Variants in DOCK3 observed in about 807,000 individuals in gnomAD.
DOCK3 encodes the protein dedicator of cytokinesis protein 3.
Under a neutral mutation model 265.6 loss-of-function variants are expected in DOCK3, and 60 were observed. The observed-to-expected ratio is 0.23, with a 90% CI of 0.18 to 0.28. The LOEUF (loss-of-function observed/expected upper bound fraction) is 0.28, where lower values mean the gene tolerates loss of function less well. Ranked by LOEUF, DOCK3 falls within the 10% of genes least tolerant of loss-of-function variation. The probability of loss-of-function intolerance (pLI) is 1.00; values close to 1 mark genes in which losing one functional copy is unlikely to be tolerated. For missense variants in DOCK3, 1,981 were observed against 2,594.3 expected (o/e 0.76, Z 5.14); for synonymous variants, 881 against 938.0 (o/e 0.94, Z 1.11).
chr3:50,799,298 T>C (rs1251514445), intron 2 of DOCK3, among the ~76,000 whole-genome samples: 1 of 152,236 alleles, frequency 6.6e-6, no homozygotes, highest in East Asian at 1.9e-4. Flanking sequence ...TGTAGATTGC[T>C]TAGGGTAGTA....
chr3:51,336,651 A>G (rs1305933895), intron 35 of DOCK3, among the ~76,000 whole-genome samples: 1 of 152,192 alleles, frequency 6.6e-6, no homozygotes, highest in African/African-American at 2.4e-5. Context: ...TGAAGTAGCC[A>G]CACAGAAGTG....
intron 9 of DOCK3, among the ~76,000 whole-genome samples, chr3:51,111,118 A>G (rs2083496925): frequency 6.6e-6 from 1 of 152,202 alleles, no homozygotes; most frequent in Admixed American, 6.5e-5. Flanking sequence ...GAATACAGCT[A>G]ATCAAGGAGG....
intron 26 of DOCK3, 98 bp from the exon 27 acceptor site, chr3:51,280,008 C>T (rs2081026062): frequency 3.4e-6 from 3 of 881,190 alleles, no homozygotes; most frequent in African/African-American, 1.7e-5. Context: ...TCATTGGGGC[C>T]ATCTCAGACC....
intron 7 of DOCK3, among the ~76,000 whole-genome samples, chr3:51,079,532 C>T (rs1310829748): frequency 2.0e-5 from 3 of 151,622 alleles, no homozygotes; most frequent in Non-Finnish European, 2.9e-5. Context: ...TTTATTTTTT[C>T]GGTAGAGATG....
intron 9 of DOCK3, among the ~76,000 whole-genome samples, chr3:51,112,083 A>G (rs2083543926): frequency 6.6e-6 from 1 of 152,176 alleles, no homozygotes; most frequent in Admixed American, 6.5e-5. Flanking sequence ...GGTTGTGGAG[A>G]AAAGGGAACA....
At chr3:50,822,264 T>C (rs943029424) in intron 2 of DOCK3, among the ~76,000 whole-genome samples, 13 of 152,286 alleles carry the variant, frequency 8.5e-5, no homozygotes, top group Admixed American at 3.9e-4. Flanking sequence ...TATTTTTTTG[T>C]GGCTATTGTA....
intron 35 of DOCK3, among the ~76,000 whole-genome samples, 152 bp downstream of exon 35, chr3:51,333,405 G>A (rs1207995753): frequency 6.6e-6 from 1 of 152,184 alleles, no homozygotes; most frequent in Non-Finnish European, 1.5e-5. Flanking sequence ...GGAATCTGCT[G>A]ATGACCAAGG....
chr3:51,039,717 T>G (rs1044218379), intron 5 of DOCK3, among the ~76,000 whole-genome samples: 3 of 152,038 alleles, frequency 2.0e-5, no homozygotes, highest in African/African-American at 7.2e-5. Flanking sequence ...GATCTCTCAT[T>G]GTCAGTTTTG....
At chr3:50,979,096 C>A (rs2077594702) in intron 5 of DOCK3, among the ~76,000 whole-genome samples, 1 of 152,170 alleles carries the variant, frequency 6.6e-6, no homozygotes, top group Non-Finnish European at 1.5e-5. Flanking sequence ...ATGCAGAAAT[C>A]ACCCGTCTTC....
At chr3:50,936,348 A>G (rs1443545562) in intron 5 of DOCK3, among the ~76,000 whole-genome samples, 1 of 151,696 alleles carries the variant, frequency 6.6e-6, no homozygotes, top group Admixed American at 6.6e-5. Flanking sequence ...TCAGAATACT[A>G]GATAGAGAGG....
intron 12 of DOCK3, among the ~76,000 whole-genome samples, chr3:51,187,566 T>C (rs1452135841): frequency 1.3e-5 from 2 of 152,128 alleles, no homozygotes; most frequent in African/African-American, 4.8e-5. Context: ...AAGGGTAGAA[T>C]GATATGGTTT....
At chr3:50,966,973 G>A (rs1489628906) in intron 5 of DOCK3, among the ~76,000 whole-genome samples, 3 of 151,880 alleles carry the variant, frequency 2.0e-5, no homozygotes, top group Admixed American at 6.6e-5. Flanking sequence ...TTGATACATA[G>A]TAATTATAAT....
At chr3:50,842,931 A>G (rs532237039) in intron 3 of DOCK3, among the ~76,000 whole-genome samples, 7 of 152,134 alleles carry the variant, frequency 4.6e-5, no homozygotes, top group Non-Finnish European at 7.4e-5. Flanking sequence ...TTTTAGTAAT[A>G]TTTGTGGTCT....
chr3:51,034,857 A>G (rs914907612), intron 5 of DOCK3, among the ~76,000 whole-genome samples: 8 of 152,084 alleles, frequency 5.3e-5, no homozygotes, highest in Non-Finnish European at 8.8e-5. Context: ...TTCTAGATAT[A>G]GAATTCTGGG....
chr3:50,790,473 C>CTTTTTTTTTTTTTTTTTTTTTTTTGT (rs35664807), intron 2 of DOCK3, among the ~76,000 whole-genome samples: 1 of 131,980 alleles, frequency 7.6e-6, no homozygotes, highest in Admixed American at 7.5e-5. Flanking sequence ...ATATTTAGAG[C>CTTTTTTTTTTTTTTTTTTTTTTTTGT]TTTTTTTTTT....
At chr3:51,159,901 G>C (rs1407165579) in intron 11 of DOCK3, among the ~76,000 whole-genome samples, 2 of 152,184 alleles carry the variant, frequency 1.3e-5, no homozygotes, top group African/African-American at 4.8e-5. Flanking sequence ...TCATAGGTTT[G>C]AGTTTTGGCC....
rs2077830019 is a variant in DOCK3, at chr3:50,984,716, T to C, written c.315+50639T>C. On this transcript the variant is annotated intron_variant, in intron 5 of 52. Transcript: ENST00000266037. ...AACTAAAACTGCACATATCTATATG[T>C]ATAGTTGGCCTCTGTATTCATGGGT... Among the ~76,000 whole-genome samples, 3 of 152,318 alleles carry C rather than the reference T, an allele frequency of 2.0e-5. No individual in the cohort carries two copies. The South Asian group carries it at 6.2e-4, about 32-fold the overall frequency.
intron 19 of DOCK3, among the ~76,000 whole-genome samples, chr3:51,234,377 A>G (rs891551781): frequency 1.3e-5 from 2 of 152,016 alleles, no homozygotes; most frequent in African/African-American, 2.4e-5. Flanking sequence ...TTCCTTATAC[A>G]TTTTGGATAT....
rs367935585 is a variant in DOCK3, at chr3:51,226,812, TAAAG to T, written c.1378-466_1378-463del. ...AAATCTGGACTAACTTGTTTATATC[TAAAG>T]AAAGTCAGCCAGGGGTGACCTAAAA... On this transcript the variant is annotated intron_variant, in intron 15 of 52. Coordinates refer to ENST00000266037, the MANE Select transcript of DOCK3 (RefSeq NM_004947.5). 3.2e-3 allele frequency among the ~76,000 whole-genome samples: 492 copies of T among 152,322 alleles called. 7 individuals are homozygous for T. The highest frequency in any genetic ancestry group is 0.011 in the African/African-American group (447 of 41,564).
Sources: allele counts gnomAD v4.1 joint callset (sites outside exome capture counted in the v4.1 genomes callset), GRCh38; gene constraint gnomAD v4.1.1; transcripts MANE v1.5; gene names NCBI Gene and HGNC (gene_info 2026-07-23, HGNC 2026-07-21).